Variants in KDM4C observed in about 807,000 individuals in gnomAD.
KDM4C encodes lysine demethylase 4C, also known as lysine-specific demethylase 4C.
In KDM4C, 81 loss-of-function variants were observed where a neutral mutation model predicts 129.3. The ratio of observed to expected loss-of-function variants is 0.63; its 90% CI spans 0.52 to 0.75. The LOEUF is 0.75. Ranked by LOEUF, KDM4C falls within the 30% of genes least tolerant of loss-of-function variation. The pLI is 0.00. For missense variants in KDM4C, 1,457 were observed against 1,304.0 expected (o/e 1.12, Z -1.81); for synonymous variants, 573 against 456.1 (o/e 1.26, Z -3.26).
At chr9:7,102,431 C>T (rs887404871) in intron 17 of KDM4C, among the ~76,000 whole-genome samples, 3 of 146,272 alleles carry the variant, frequency 2.1e-5, no homozygotes, top group Non-Finnish European at 3.0e-5. Context: ...ATCACTCGGG[C>T]AGCTTTGGGG....
Position 7,015,836 on chromosome 9 carries a change from A to G in KDM4C, c.2183-17A>G, listed in dbSNP as rs572601848. 7 of 1,566,302 alleles carry G rather than the reference A, an allele frequency of 4.5e-6. No individual in the cohort carries two copies. The highest frequency in any genetic ancestry group is 4.0e-5 in the African/African-American group (3 of 74,116). On this transcript the variant is annotated splice_polypyrimidine_tract_variant and intron_variant, in intron 14 of 21. Transcript: ENST00000381309. The stretch of plus-strand genomic sequence containing the variant: ...TGAAAAAGACCTAACGCATGGATAC[A>G]TACTATTATTTTATAGGTTGTTATG...
At chr9:6,841,958 G>C (rs1837008095) in intron 4 of KDM4C, among the ~76,000 whole-genome samples, 1 of 152,152 alleles carries the variant, frequency 6.6e-6, no homozygotes, top group Non-Finnish European at 1.5e-5. Flanking sequence ...CTCAGGCTTT[G>C]TGTTTTGCCA....
chr9:6,903,003 G>GA (rs1817665599), intron 8 of KDM4C, among the ~76,000 whole-genome samples: 1 of 151,582 alleles, frequency 6.6e-6, no homozygotes, highest in African/African-American at 2.4e-5. Context: ...TAATCCCTTG[G>GA]AAAAAACACC....
rs187498631 is a variant in KDM4C at position 7,063,919 on chromosome 9, A to G, written c.2424+14719A>G. Among the ~76,000 whole-genome samples the G allele has an allele frequency of 4.1e-4, 63 of 152,294 alleles. 1 individual carries two copies. The highest frequency in any genetic ancestry group is 3.4e-3 in the Middle Eastern group (1 of 294). On this transcript the variant is annotated intron_variant, in intron 17 of 21. Transcript: ENST00000381309. ...CGTGAAGCATGAAGAGGGAGCTCTG[A>G]GTCTCAAGAAGTTCTAGGTTCTAGG...
chr9:7,072,837 C>G (rs546514225), intron 17 of KDM4C, among the ~76,000 whole-genome samples: 3 of 152,182 alleles, frequency 2.0e-5, no homozygotes, highest in African/African-American at 4.8e-5. Flanking sequence ...GATGTACAAT[C>G]ATTGTACATA....
intron 3 of KDM4C, among the ~76,000 whole-genome samples, chr9:6,808,087 G>A (rs1830454207): frequency 1.4e-5 from 1 of 73,304 alleles, no homozygotes. Flanking sequence ...GAGCCCCTCT[G>A]CCCGGCCAGC....
At chr9:7,139,969 G>C (rs1374417228) in intron 19 of KDM4C, among the ~76,000 whole-genome samples, 1 of 152,178 alleles carries the variant, frequency 6.6e-6, no homozygotes, top group African/African-American at 2.4e-5. Flanking sequence ...ACTTGGAAGA[G>C]GGCCAAGCAG....
At position 6,887,924 on chromosome 9, in the gene KDM4C, G is replaced by A. The variant is rs111313300; in HGVS notation, c.680-36G>A. The stretch of plus-strand genomic sequence containing the variant: ...ACCTATTTGATATTTTCTCTTAATC[G>A]ACACAGTGCCACTTACATTTATTGT... On this transcript the variant is annotated intron_variant, in intron 6 of 21. Transcript: ENST00000381309. The A allele has an allele frequency of 6.7e-6, 8 of 1,193,888 alleles. No homozygotes were observed. In the African/African-American group the frequency reaches 7.5e-5, roughly 11 times the overall value. 74.0% of individuals were successfully genotyped at this position (1,193,888 alleles called of 1,614,324 possible).
chr9:7,026,873 C>A (rs1277629227), intron 15 of KDM4C, among the ~76,000 whole-genome samples: 7 of 151,956 alleles, frequency 4.6e-5, no homozygotes, highest in Admixed American at 3.3e-4. Flanking sequence ...TCTGTCCTTA[C>A]AAGACTTTGA....
chr9:6,923,823 T>C (rs1256085655), intron 8 of KDM4C, among the ~76,000 whole-genome samples: 1 of 152,214 alleles, frequency 6.6e-6, no homozygotes, highest in Non-Finnish European at 1.5e-5. Context: ...TCTTCTCTTT[T>C]TGGGGGCAGA....
chr9:6,936,042 TACAA>T (rs1354079080), intron 8 of KDM4C, among the ~76,000 whole-genome samples: 1 of 152,240 alleles, frequency 6.6e-6, no homozygotes, highest in Non-Finnish European at 1.5e-5. Flanking sequence ...TTTGAATTTT[TACAA>T]ACAATTTTTT....
intron 21 of KDM4C, among the ~76,000 whole-genome samples, chr9:7,172,063 G>C (rs976595484): frequency 6.6e-6 from 1 of 151,962 alleles, no homozygotes; most frequent in Admixed American, 6.5e-5. Flanking sequence ...TGGTTAGTCT[G>C]TCCATGATTA....
intron 19 of KDM4C, among the ~76,000 whole-genome samples, chr9:7,159,977 G>A (rs1157667868): frequency 6.6e-6 from 1 of 152,156 alleles, no homozygotes; most frequent in Non-Finnish European, 1.5e-5. Context: ...CCAATCAAAT[G>A]CAGATTTGGT....
intron 17 of KDM4C, among the ~76,000 whole-genome samples, chr9:7,063,935 A>C (rs943048397): frequency 6.6e-6 from 1 of 152,200 alleles, no homozygotes; most frequent in Non-Finnish European, 1.5e-5. Context: ...AAGAAGTTCT[A>C]GGTTCTAGGA....
intron 1 of KDM4C, among the ~76,000 whole-genome samples, chr9:6,775,966 C>G (rs546159033): frequency 5.2e-4 from 79 of 152,288 alleles, no homozygotes; most frequent in African/African-American, 1.8e-3. Context: ...CCAGGCATTG[C>G]CAATGTCTCA....
At chr9:7,052,906 C>CAAGT (rs1830391523) in intron 17 of KDM4C, among the ~76,000 whole-genome samples, 2 of 47,888 alleles carry the variant, frequency 4.2e-5, no homozygotes, top group Admixed American at 4.4e-4. Flanking sequence ...AGAGAGCGAG[C>CAAGT]GAGTGCCCAA....
intron 17 of KDM4C, among the ~76,000 whole-genome samples, chr9:7,061,079 A>G (rs571292419): frequency 6.6e-6 from 1 of 152,320 alleles, no homozygotes; most frequent in South Asian, 2.1e-4. Context: ...AGTCTCAAGC[A>G]TGACCTATGA....
At chr9:7,138,211 T>C (rs1446752347) in intron 19 of KDM4C, among the ~76,000 whole-genome samples, 1 of 152,170 alleles carries the variant, frequency 6.6e-6, no homozygotes, top group Non-Finnish European at 1.5e-5. Context: ...TGTTCTATGC[T>C]AAGAAGTGAG....
rs145913302 is a variant in KDM4C, at chr9:6,994,785, A to G, written c.1786+4261A>G. 3.4e-3 allele frequency among the ~76,000 whole-genome samples: 518 copies of G among 152,360 alleles called. 5 individuals are homozygous for G. Among genetic ancestry groups the G allele is most frequent in the African/African-American group, 0.012 (498 of 41,570 alleles). On this transcript the variant is annotated intron_variant, in intron 12 of 21. Coordinates refer to ENST00000381309, the MANE Select transcript of KDM4C (RefSeq NM_015061.6). ...TATAGAAAAACATGTTGTTTTAATT[A>G]CCAATATAAATGTGATAAATTATAT...
Sources: allele counts gnomAD v4.1 joint callset (sites outside exome capture counted in the v4.1 genomes callset), GRCh38; gene constraint gnomAD v4.1.1; transcripts MANE v1.5; gene names NCBI Gene and HGNC (gene_info 2026-07-23, HGNC 2026-07-21).